TRAPPC8: variants seen among roughly 807,000 people sequenced by gnomAD.
The protein encoded by TRAPPC8 is general sporulation gene 1 homolog.
Under a neutral mutation model 174.3 loss-of-function variants are expected in TRAPPC8, and 54 were observed. The observed-to-expected ratio is 0.31, with a 90% CI of 0.25 to 0.39. The LOEUF is 0.39. Ranked by LOEUF, TRAPPC8 falls within the 10% of genes least tolerant of loss-of-function variation. The pLI, the probability that TRAPPC8 is intolerant of heterozygous loss-of-function variation, is 1.00. For synonymous variants in TRAPPC8, 630 were observed against 579.9 expected (o/e 1.09, Z -1.24); for missense variants, 1,531 against 1,699.1 (o/e 0.90, Z 1.74).
chr18:31,903,694 A>C (rs764484704), intron 9 of TRAPPC8, among the ~76,000 whole-genome samples: 1 of 152,182 alleles, frequency 6.6e-6, no homozygotes. Flanking sequence ...TCTTAAGCCT[A>C]TTATTACTGT....
intron 10 of TRAPPC8, among the ~76,000 whole-genome samples, 195 bp from the exon 11 acceptor site, chr18:31,898,086 C>T (rs2036257518): frequency 6.6e-6 from 1 of 152,102 alleles, no homozygotes; most frequent in African/African-American, 2.4e-5. Context: ...TGCCTATTAA[C>T]CCATACACAT....
intron 1 of TRAPPC8, among the ~76,000 whole-genome samples, chr18:31,932,854 C>A (rs551211843): frequency 6.6e-6 from 1 of 151,600 alleles, no homozygotes; most frequent in African/African-American, 2.4e-5. Flanking sequence ...TGGTGGCGGG[C>A]GCCTGTAATC....
intron 9 of TRAPPC8, among the ~76,000 whole-genome samples, chr18:31,901,875 ATGTT>A (rs1196468179): frequency 6.6e-6 from 1 of 152,174 alleles, no homozygotes; most frequent in Non-Finnish European, 1.5e-5. Flanking sequence ...TTATGGGTGA[ATGTT>A]TGGTCAGGCC....
chr18:31,891,049 T>C (rs1410213856), intron 11 of TRAPPC8, 183 bp from the exon 12 acceptor site: 4 of 385,070 alleles, frequency 1.0e-5, no homozygotes, highest in Non-Finnish European at 1.7e-5. Context: ...AAAATTCTTT[T>C]AAGCTTTGAA....
intron 16 of TRAPPC8, among the ~76,000 whole-genome samples, chr18:31,868,226 TA>T (rs933030172): frequency 2.1e-4 from 32 of 152,182 alleles, no homozygotes; most frequent in Admixed American, 1.3e-4. Context: ...TAAACGCTAT[TA>T]TACTTTCACC....
At chr18:31,840,948 A>G (rs2033060792) in intron 26 of TRAPPC8, among the ~76,000 whole-genome samples, 3 of 152,112 alleles carry the variant, frequency 2.0e-5, no homozygotes, top group Admixed American at 2.0e-4. Context: ...AAACACAAAC[A>G]AAAAAAGATT....
chr18:31,909,480 C>T (rs2036816137), intron 6 of TRAPPC8, 187 bp downstream of exon 6: 2 of 898,728 alleles, frequency 2.2e-6, no homozygotes, highest in South Asian at 1.0e-4. Context: ...TCATATAAAA[C>T]AAATTTTTAA....
intron 9 of TRAPPC8, among the ~76,000 whole-genome samples, chr18:31,902,918 G>A (rs536875616): frequency 1.4e-3 from 217 of 152,078 alleles, no homozygotes; most frequent in African/African-American, 4.9e-3. Context: ...GCAAGGTGGC[G>A]GGCGCCTGTA....
chr18:31,846,606 A>C, intron 26 of TRAPPC8, 110 bp downstream of exon 26: 1 of 839,326 alleles, frequency 1.2e-6, no homozygotes. Context: ...CAAAAAACAA[A>C]ACCTGAACAA....
chr18:31,888,496 G>T (rs1568095653), intron 12 of TRAPPC8, among the ~76,000 whole-genome samples: 1 of 152,148 alleles, frequency 6.6e-6, no homozygotes, highest in Non-Finnish European at 1.5e-5. Context: ...CACAATAGCA[G>T]AGACATGGAA....
intron 1 of TRAPPC8, among the ~76,000 whole-genome samples, chr18:31,932,989 C>T (rs2037913847): frequency 8.7e-6 from 1 of 114,866 alleles, no homozygotes; most frequent in Admixed American, 9.2e-5. Flanking sequence ...CAGAGTGAGA[C>T]TCCGTCTCAA....
At position 31,874,499 on chromosome 18, in the gene TRAPPC8, T is replaced by G. The variant is rs1428784917; in HGVS notation, c.1934A>C (p.Glu645Ala). 5 of 1,613,912 alleles carry G rather than the reference T, an allele frequency of 3.1e-6. No homozygotes were observed. The highest frequency in any genetic ancestry group is 3.4e-6 in the Non-Finnish European group (4 of 1,179,964). ...AGTCACCTTGTAAACATAAAGATAT[T>G]CTCTGAGGAAAGCCCCCTGTTGAGC... Reference protein sequence around the residue: ...SAAQQGAFLREYLYVYKNVSQ... With the variant: ...SAAQQGAFLRAYLYVYKNVSQ... Residue 645 changes from glutamate to alanine, a missense_variant, in exon 13 of 29, where the codon GAA becomes GCA. Transcript: ENST00000283351.
intron 9 of TRAPPC8, among the ~76,000 whole-genome samples, chr18:31,903,105 C>T (rs915330156): frequency 1.8e-5 from 1 of 57,110 alleles, no homozygotes; most frequent in Non-Finnish European, 3.5e-5. Flanking sequence ...TTTTTGATTG[C>T]GCGCGTGCGT....
chr18:31,887,539 G>A (rs1471599555), intron 12 of TRAPPC8, among the ~76,000 whole-genome samples: 2 of 151,748 alleles, frequency 1.3e-5, no homozygotes, highest in African/African-American at 2.4e-5. Flanking sequence ...CCAGCTACTT[G>A]GAAGGCTGAG....
chr18:31,916,677 C>A lies in TRAPPC8; in HGVS notation c.443-231G>T, dbSNP rs1393441214. Among the ~76,000 whole-genome samples, 6 of 151,966 alleles carry A rather than the reference C, an allele frequency of 3.9e-5. No individual in the cohort carries two copies. In the East Asian group the frequency reaches 1.2e-3, roughly 29 times the overall value. On this transcript the variant is annotated intron_variant, in intron 3 of 28. Transcript: ENST00000283351. ...CCTCCAGAGTAGCTGGGATTATAGG[C>A]GCAAGCCACTGCACCCAGCTAATTT...
chr18:31,897,811 GC>G lies in TRAPPC8; in HGVS notation c.1570del (p.Ala524LeufsTer3). 1 of 1,611,036 alleles carries G rather than the reference GC, an allele frequency of 6.2e-7. No individual in the cohort carries two copies. Among genetic ancestry groups the G allele is most frequent in the Non-Finnish European group, 8.5e-7 (1 of 1,178,172 alleles). On this transcript the variant is annotated frameshift_variant, in exon 11 of 29. Coordinates refer to ENST00000283351, the MANE Select transcript of TRAPPC8 (RefSeq NM_014939.5). LOFTEE classifies it high-confidence loss of function. ...CTCACTGGTCAACCGTATTAGGAGA[GC>G]TGCAGCCTCTGAATATTTGCTTTGG... ...KSQSKYSEAAALLIRLTSEDS... is the reference protein window; with the variant it reads ...KSQSKYSEAAXLLIRLTSEDS...
intron 16 of TRAPPC8, among the ~76,000 whole-genome samples, 193 bp from the exon 17 acceptor site, chr18:31,867,669 T>C (rs1866339702): frequency 6.6e-6 from 1 of 152,172 alleles, no homozygotes; most frequent in Admixed American, 6.5e-5. Flanking sequence ...TAGTAGGCAC[T>C]CAATATATAT....
In TRAPPC8 at chr18:31,931,890, G is replaced by C. The variant is rs562614402; in HGVS notation, c.158-367C>G. On this transcript the variant is annotated intron_variant, in intron 1 of 28. Transcript: ENST00000283351. ...CGTAAGGTCTATGGTATTAACACTA[G>C]AAACAGTAAAAGGAAAAAGAAAGGG... Among the ~76,000 whole-genome samples, 3 of 152,240 alleles carry C rather than the reference G, an allele frequency of 2.0e-5. No individual in the cohort carries two copies. The East Asian group carries it at 5.8e-4, about 29-fold the overall frequency.
At chr18:31,863,643 C>T (rs1474016661) in intron 19 of TRAPPC8, among the ~76,000 whole-genome samples, 2 of 152,148 alleles carry the variant, frequency 1.3e-5, no homozygotes, top group African/African-American at 4.8e-5. Context: ...AAAAGATAAA[C>T]AGCAATTTGG....
Sources: gnomAD v4.1 joint callset for allele counts (sites outside exome capture counted in the v4.1 genomes callset) on GRCh38, gnomAD v4.1.1 for gene constraint, MANE v1.5 for transcripts, NCBI Gene and HGNC (gene_info 2026-07-23, HGNC 2026-07-21) for gene names.